The following NBDY variants were observed in gnomAD, a reference collection of about 807,000 sequenced individuals.
NBDY encodes the protein negative regulator of P-body association.
intron 2 of NBDY, among the ~76,000 whole-genome samples, chrX:56,755,419 A>T (rs2069605063): frequency 8.9e-6 from 1 of 112,295 alleles, no homozygotes; most frequent in Admixed American, 9.4e-5. Flanking sequence ...TCCAGAATCT[A>T]CAATGAACTC....
chrX:56,812,282 C>A (rs1045135107), intron 2 of NBDY, among the ~76,000 whole-genome samples: 3 of 110,076 alleles, frequency 2.7e-5, no homozygotes, highest in Admixed American at 9.7e-5. Flanking sequence ...CGGGTGGGCA[C>A]AGGCACATCA....
At chrX:56,739,283 TTTA>T (rs1325142018) in intron 2 of NBDY, among the ~76,000 whole-genome samples, 8 of 65,101 alleles carry the variant, frequency 1.2e-4, no homozygotes, top group Admixed American at 2.0e-4. Context: ...TATATATATT[TTTA>T]TATATATATA....
chrX:56,808,977 T>G (rs953390488), intron 2 of NBDY, among the ~76,000 whole-genome samples: 2 of 112,738 alleles, frequency 1.8e-5, no homozygotes, highest in African/African-American at 6.5e-5. Flanking sequence ...TCTCATTCAT[T>G]CAAGGAACAT....
At chrX:56,812,005 A>T (rs2069889591) in intron 2 of NBDY, among the ~76,000 whole-genome samples, 1 of 110,719 alleles carries the variant, frequency 9.0e-6, no homozygotes, top group South Asian at 4.0e-4. Flanking sequence ...TAGGAGAGGG[A>T]GTTCCCTGAC....
intron 2 of NBDY, among the ~76,000 whole-genome samples, chrX:56,751,528 A>G (rs1327483837): frequency 8.9e-6 from 1 of 112,128 alleles, no homozygotes; most frequent in Non-Finnish European, 1.9e-5. Flanking sequence ...TTATGGTGGT[A>G]TAAGTCATAG....
intron 2 of NBDY, among the ~76,000 whole-genome samples, chrX:56,807,697 A>C (rs2069859841): frequency 8.9e-6 from 1 of 112,210 alleles, no homozygotes; most frequent in African/African-American, 3.2e-5. Flanking sequence ...GTAGCTTATC[A>C]GCCTAAGGAG....
At chrX:56,812,773 CTTG>C (rs994921519) in intron 2 of NBDY, among the ~76,000 whole-genome samples, 16 of 111,784 alleles carry the variant, frequency 1.4e-4, no homozygotes, top group Admixed American at 8.5e-4. Context: ...GAAGCTGCCA[CTTG>C]TTGTTGTTCT....
At chrX:56,816,838 C>G (rs2146746003) in intron 2 of NBDY, among the ~76,000 whole-genome samples, 1 of 110,676 alleles carries the variant, frequency 9.0e-6, no homozygotes, top group South Asian at 3.8e-4. Context: ...AGAATTATGT[C>G]TATGTTGTTT....
intron 2 of NBDY, among the ~76,000 whole-genome samples, chrX:56,783,629 C>T (rs1219025314): frequency 8.9e-6 from 1 of 112,110 alleles, no homozygotes; most frequent in Non-Finnish European, 1.9e-5. Context: ...GAAACCCTGG[C>T]TTAGGCAGAG....
chrX:56,798,273 T>G (rs1245967406), intron 2 of NBDY, among the ~76,000 whole-genome samples: 1 of 111,781 alleles, frequency 8.9e-6, no homozygotes. Flanking sequence ...AAAAACAGAC[T>G]CCCCTTTCAG....
rs775910804 is a variant in NBDY, at chrX:56,754,002, T to C, written c.*166+21803T>C. Reference sequence around the variant, plus strand: ...TAGCAAAAGGGGAAGAAAGTTATAATAGGAGGGGAACAAGGTTAAAGGAAC... The same window carrying C: ...TAGCAAAAGGGGAAGAAAGTTATAACAGGAGGGGAACAAGGTTAAAGGAAC... On this transcript the variant is annotated intron_variant, in intron 2 of 2. Coordinates refer to ENST00000374922, the MANE Select transcript of NBDY (RefSeq NM_001348129.2). Among the ~76,000 whole-genome samples the C allele has an allele frequency of 4.5e-5, 5 of 110,726 alleles. No individual in the cohort carries two copies. In the South Asian group the frequency reaches 1.5e-3, roughly 34 times the overall value.
intron 2 of NBDY, among the ~76,000 whole-genome samples, chrX:56,740,094 C>G (rs898348828): frequency 9.0e-6 from 1 of 111,508 alleles, no homozygotes; most frequent in African/African-American, 3.3e-5. Context: ...TGACTGGCTG[C>G]CCATTCAAGT....
chrX:56,790,899 C>T (rs988676680), intron 2 of NBDY, among the ~76,000 whole-genome samples: 3 of 112,288 alleles, frequency 2.7e-5, no homozygotes, highest in East Asian at 2.8e-4. Context: ...GCAGATCGTG[C>T]GGATGGGGTT....
At chrX:56,797,180 CTCT>C (rs775015582) in intron 2 of NBDY, among the ~76,000 whole-genome samples, 4 of 100,193 alleles carry the variant, frequency 4.0e-5, no homozygotes, top group South Asian at 4.9e-4. Context: ...CTTCCTCTTC[CTCT>C]TCTTCTCTCC....
intron 2 of NBDY, among the ~76,000 whole-genome samples, chrX:56,782,196 C>G (rs767986138): frequency 3.6e-5 from 4 of 110,885 alleles, no homozygotes; most frequent in African/African-American, 9.9e-5. Flanking sequence ...GCATGGACCT[C>G]CCACTTTCTG....
In NBDY at chrX:56,757,698, C is replaced by CGGGAG. The variant is rs746308458; in HGVS notation, c.*166+25511_*166+25515dup. ...AGAAGAGAAGGGAAAGAGAAGGGAA[C>CGGGAG]GGGAGGGGAGGGGAGGAGAAAGGGA... On this transcript the variant is annotated intron_variant, in intron 2 of 2. Coordinates refer to ENST00000374922, the MANE Select transcript of NBDY (RefSeq NM_001348129.2). Among the ~76,000 whole-genome samples the CGGGAG allele has an allele frequency of 2.1e-3, 228 of 108,515 alleles. 1 individual carries two copies. Among genetic ancestry groups the CGGGAG allele is most frequent in the Non-Finnish European group, 3.7e-3 (194 of 52,201 alleles). 94.2% of individuals were successfully genotyped at this position (108,515 alleles called of 115,157 possible). A position where few individuals can be genotyped will look rare whatever the true frequency, so the allele number is the denominator to read the frequency against.
intron 2 of NBDY, among the ~76,000 whole-genome samples, chrX:56,732,779 G>C (rs2069466183): frequency 9.0e-6 from 1 of 111,154 alleles, no homozygotes; most frequent in South Asian, 3.7e-4. Flanking sequence ...TTGCTGAGAG[G>C]TTTTATTACA....
Position 56,797,485 on chromosome X carries a change from T to C in NBDY, c.*167-19835T>C, listed in dbSNP as rs147331064. 3.4e-4 allele frequency among the ~76,000 whole-genome samples: 38 copies of C among 110,478 alleles called. No individual in the cohort carries two copies. In the East Asian group the frequency reaches 0.011, roughly 32 times the overall value. On this transcript the variant is annotated intron_variant, in intron 2 of 2. Coordinates refer to ENST00000374922, the MANE Select transcript of NBDY (RefSeq NM_001348129.2). ...ACTTTTCTTCTTAAAAGAACAGCGA[T>C]GAAGGTCACCAGTTCAGTCCTTCTT...
intron 2 of NBDY, among the ~76,000 whole-genome samples, chrX:56,804,267 T>C (rs2069838477): frequency 8.9e-6 from 1 of 111,818 alleles, no homozygotes; most frequent in African/African-American, 3.3e-5. Flanking sequence ...ATCCATAGAT[T>C]GTTGACCCTT....
Sources: gnomAD v4.1 joint callset for allele counts (sites outside exome capture counted in the v4.1 genomes callset) on GRCh38, gnomAD v4.1.1 for gene constraint, MANE v1.5 for transcripts, NCBI Gene and HGNC (gene_info 2026-07-23, HGNC 2026-07-21) for gene names.